Variants in SASH1 observed in about 807,000 individuals in gnomAD.
SASH1 encodes SAM and SH3 domain containing 1, also known as SAM and SH3 domain-containing protein 1.
In SASH1, 44 loss-of-function variants were observed where a neutral mutation model predicts 125.2. The observed-to-expected ratio is 0.35, with a 90% CI of 0.28 to 0.45. The LOEUF (loss-of-function observed/expected upper bound fraction) is 0.45, where lower values mean the gene tolerates loss of function less well. SASH1 is among the 20% of genes least tolerant of loss of function. SASH1 has a pLI of 1.00. For missense variants in SASH1, 1,426 were observed against 1,614.5 expected (o/e 0.88, Z 2.00); for synonymous variants, 639 against 649.1 (o/e 0.98, Z 0.24).
intron 1 of SASH1, chr6:148,272,449 A>T (rs942979438): frequency 8.8e-6 from 4 of 452,964 alleles, no homozygotes; most frequent in Non-Finnish European, 1.9e-5. Flanking sequence ...TGATATATTC[A>T]GGAAAGGACT....
intron 1 of SASH1, among the ~76,000 whole-genome samples, chr6:148,334,926 A>C (rs1300261580): frequency 6.7e-6 from 1 of 149,214 alleles, no homozygotes; most frequent in Non-Finnish European, 1.5e-5. Flanking sequence ...GTGAGCCGAG[A>C]TCACACCACT....
At chr6:148,278,927 A>G (rs1779260779) in intron 1 of SASH1, 1 of 152,194 alleles carries the variant, frequency 6.6e-6, no homozygotes, top group Non-Finnish European at 1.5e-5. Context: ...AATGAAACCT[A>G]GACTCTCAGA....
At chr6:148,403,012 T>C (rs1005621832) in intron 2 of SASH1, among the ~76,000 whole-genome samples, 1 of 152,154 alleles carries the variant, frequency 6.6e-6, no homozygotes, top group Non-Finnish European at 1.5e-5. Context: ...ATAGTAGAGA[T>C]ATTCATTATA....
At chr6:148,413,928 C>T (rs753272286) in intron 2 of SASH1, among the ~76,000 whole-genome samples, 1 of 151,778 alleles carries the variant, frequency 6.6e-6, no homozygotes, top group Non-Finnish European at 1.5e-5. Context: ...TATGGGGAAT[C>T]ACTCCTCCCT....
intron 8 of SASH1, among the ~76,000 whole-genome samples, chr6:148,498,213 A>G (rs553363585): frequency 6.8e-6 from 1 of 146,204 alleles, no homozygotes; most frequent in East Asian, 2.0e-4. Context: ...GTGAAACCTC[A>G]TCTCTACAAA....
At chr6:148,389,888 G>A (rs1435614055) in intron 1 of SASH1, among the ~76,000 whole-genome samples, 2 of 152,212 alleles carry the variant, frequency 1.3e-5, no homozygotes, top group Non-Finnish European at 2.9e-5. Context: ...CCTGGGATTT[G>A]TGGGCAGTCG....
chr6:148,340,605 T>C (rs1457717784), upstream of SASH1, among the ~76,000 whole-genome samples: 1 of 152,142 alleles, frequency 6.6e-6, no homozygotes, highest in African/African-American at 2.4e-5. Context: ...ATTTATCTAT[T>C]TATAGAAATG....
chr6:148,530,805 G>A (rs1781469668), intron 12 of SASH1, among the ~76,000 whole-genome samples: 1 of 152,204 alleles, frequency 6.6e-6, no homozygotes, highest in African/African-American at 2.4e-5. Flanking sequence ...AGGAGCCGCT[G>A]AGAGGATAAT....
At chr6:148,475,339 C>A (rs1483135572) in intron 7 of SASH1, among the ~76,000 whole-genome samples, 2 of 152,176 alleles carry the variant, frequency 1.3e-5, no homozygotes, top group Admixed American at 1.3e-4. Flanking sequence ...TGGCGCATAG[C>A]TCTGGAGGCT....
chr6:148,357,682 A>T (rs977821400), intron 1 of SASH1, among the ~76,000 whole-genome samples: 18 of 152,244 alleles, frequency 1.2e-4, no homozygotes, highest in African/African-American at 3.9e-4. Flanking sequence ...AACAGCACCC[A>T]TGACTGTCCA....
the SASH1 span, among the ~76,000 whole-genome samples, chr6:148,215,383 A>T: frequency 6.6e-6 from 1 of 152,182 alleles, no homozygotes; most frequent in Non-Finnish European, 1.5e-5. Flanking sequence ...TTTAAAATCT[A>T]TGTCCCACTG....
At chr6:148,243,191 C>T in the SASH1 span, among the ~76,000 whole-genome samples, 2 of 152,208 alleles carry the variant, frequency 1.3e-5, no homozygotes, top group South Asian at 4.1e-4. Flanking sequence ...TGGCTCATGC[C>T]TGTAATCCCA....
the SASH1 span, among the ~76,000 whole-genome samples, chr6:148,233,742 CAAAAAAAA>C: frequency 1.7e-4 from 10 of 60,528 alleles, no homozygotes; most frequent in Middle Eastern, 8.6e-3. Context: ...TTCCTCTCTA[CAAAAAAAA>C]AAAAAAAAAA....
chr6:148,542,906 G>C (rs1410054165), intron 17 of SASH1, among the ~76,000 whole-genome samples: 2 of 151,942 alleles, frequency 1.3e-5, no homozygotes, highest in African/African-American at 2.4e-5. Flanking sequence ...GTACTGATGA[G>C]AACAAAGCAT....
At chr6:148,310,604 T>C (rs1336649174) in intron 1 of SASH1, among the ~76,000 whole-genome samples, 1 of 152,092 alleles carries the variant, frequency 6.6e-6, no homozygotes, top group East Asian at 1.9e-4. Flanking sequence ...AACCACACAC[T>C]GAGAGAAAAT....
chr6:148,304,359 C>T (rs1405356770), intron 1 of SASH1, among the ~76,000 whole-genome samples: 8 of 150,814 alleles, frequency 5.3e-5, no homozygotes, highest in Non-Finnish European at 1.2e-4. Context: ...GGTGTGAACC[C>T]GGGAGGCAGA....
intron 8 of SASH1, among the ~76,000 whole-genome samples, chr6:148,496,228 T>C (rs999097825): frequency 2.0e-5 from 3 of 152,228 alleles, no homozygotes; most frequent in East Asian, 1.9e-4. Context: ...TACTTTTTTT[T>C]CCACTGCATC....
chr6:148,538,295 AGT>A (rs1476950736), intron 16 of SASH1, among the ~76,000 whole-genome samples: 5 of 152,164 alleles, frequency 3.3e-5, no homozygotes, highest in Admixed American at 6.5e-5. Context: ...AGCACTCTGG[AGT>A]CTGTTTTGGC....
At chr6:148,346,113 G>A (rs1465610550) in intron 1 of SASH1, among the ~76,000 whole-genome samples, 1 of 152,124 alleles carries the variant, frequency 6.6e-6, no homozygotes, top group Non-Finnish European at 1.5e-5. Flanking sequence ...ACTGTATGTG[G>A]AACTTTGAAA....
Sources: gnomAD v4.1 joint callset for allele counts (sites outside exome capture counted in the v4.1 genomes callset) on GRCh38, gnomAD v4.1.1 for gene constraint, MANE v1.5 for transcripts, NCBI Gene and HGNC (gene_info 2026-07-23, HGNC 2026-07-21) for gene names.